Variants in PLA2G4C observed in about 807,000 individuals in gnomAD.
The protein encoded by PLA2G4C is cytosolic phospholipase A2 gamma.
A neutral mutation model predicts 73.8 loss-of-function variants in PLA2G4C; 64 were observed. The ratio of observed to expected loss-of-function variants is 0.87; its 90% CI spans 0.71 to 1.07. PLA2G4C has a LOEUF of 1.07. Ranked by LOEUF, PLA2G4C falls within the 50% of genes least tolerant of loss-of-function variation. PLA2G4C has a pLI of 0.00. For missense variants in PLA2G4C, 622 were observed against 665.4 expected, an observed-to-expected ratio of 0.93 and a Z score of 0.72; for synonymous variants, 254 against 252.1, an observed-to-expected ratio of 1.01 and a Z score of -0.07.
Position 48,099,996 on chromosome 19 carries a change from T to C in PLA2G4C, c.258-136A>G, listed in dbSNP as rs1438870334. ...GGCGACACACAGAGGAAACGGAAAA[T>C]TTCCATTAAATAAATACAACTGCAG... On this transcript the variant is annotated intron_variant, in intron 4 of 16. Coordinates refer to ENST00000599921, the MANE Select transcript of PLA2G4C (RefSeq NM_003706.3). 4 of 567,140 alleles carry C rather than the reference T, an allele frequency of 7.1e-6. 1 individual carries two copies. In the South Asian group the frequency reaches 1.0e-4, roughly 15 times the overall value. The allele number at this position is 567,140 out of a possible 1,614,324, so 35.1% of individuals were successfully genotyped here. A position where few individuals can be genotyped will look rare whatever the true frequency, so the allele number is the denominator to read the frequency against.
At chr19:48,051,310 G>A (rs1392313034) in intron 16 of PLA2G4C, among the ~76,000 whole-genome samples, 2 of 152,182 alleles carry the variant, frequency 1.3e-5, no homozygotes, top group African/African-American at 4.8e-5. Flanking sequence ...TTCTAGAACT[G>A]TATGAGTCCA....
At chr19:48,051,106 G>A (rs887488735) in intron 16 of PLA2G4C, among the ~76,000 whole-genome samples, 4 of 152,152 alleles carry the variant, frequency 2.6e-5, no homozygotes, top group African/African-American at 4.8e-5. Context: ...TAAGAGCAAG[G>A]CGGGAGGTCA....
At chr19:48,087,322 C>T (rs747306577) in intron 9 of PLA2G4C, among the ~76,000 whole-genome samples, 3 of 152,164 alleles carry the variant, frequency 2.0e-5, no homozygotes, top group Non-Finnish European at 4.4e-5. Flanking sequence ...ATGTCTTTCC[C>T]CTCTCTTCCA....
At chr19:48,087,902 T>C (rs1651364) in intron 9 of PLA2G4C, among the ~76,000 whole-genome samples, 13,871 of 150,166 alleles carry the variant, frequency 0.092, 1,366 homozygotes, top group African/African-American at 0.25. Flanking sequence ...TGCCATTGTA[T>C]TCCAGCCTGG....
intron 5 of PLA2G4C, 44 bp from the exon 6 acceptor site, chr19:48,098,303 T>C: frequency 1.3e-6 from 2 of 1,572,298 alleles, no homozygotes; most frequent in Non-Finnish European, 1.7e-6. Context: ...GGCATGTGGG[T>C]CCCACAGGGT....
At chr19:48,104,475 C>T (rs1404599984) in intron 4 of PLA2G4C, 113 bp downstream of exon 4, 2 of 1,014,152 alleles carry the variant, frequency 2.0e-6, no homozygotes, top group Non-Finnish European at 3.0e-6. Context: ...CCAGCTAGTA[C>T]CAGAGAGCTC....
At chr19:48,095,660 G>A (rs2031531373) in intron 6 of PLA2G4C, 56 bp from the exon 7 acceptor site, 1 of 1,546,096 alleles carries the variant, frequency 6.5e-7, no homozygotes, top group Non-Finnish European at 8.9e-7. Context: ...GAATGTAGCA[G>A]GTATGCAGGA....
At position 48,048,328 on chromosome 19, in the gene PLA2G4C, G is replaced by A. The variant is rs1435091303; in HGVS notation, c.*15C>T. ...AGACCAACAGGCCCACAGTGCCCTGGAAGCTGAGGCTCATCTATGCCAAGC... is the reference window on the plus strand; with the variant it reads ...AGACCAACAGGCCCACAGTGCCCTGAAAGCTGAGGCTCATCTATGCCAAGC... On this transcript the variant is annotated 3_prime_UTR_variant, in exon 17 of 17. Transcript: ENST00000599921. The A allele has an allele frequency of 3.8e-6, 6 of 1,594,932 alleles. No individual in the cohort carries two copies. Among genetic ancestry groups the A allele is most frequent in the Non-Finnish European group, 4.3e-6 (5 of 1,172,500 alleles).
chr19:48,079,737 C>G (rs1194765488), intron 10 of PLA2G4C, among the ~76,000 whole-genome samples: 1 of 152,096 alleles, frequency 6.6e-6, no homozygotes, highest in African/African-American at 2.4e-5. Context: ...TCTGGGAGGC[C>G]CAGCTGGGCG....
intron 14 of PLA2G4C, among the ~76,000 whole-genome samples, chr19:48,056,339 G>A (rs1294588613): frequency 2.0e-5 from 3 of 152,090 alleles, no homozygotes; most frequent in African/African-American, 7.2e-5. Flanking sequence ...CCTGAGGTCA[G>A]GAGTTTGAGA....
In PLA2G4C at chr19:48,073,202, T is replaced by G. The variant is rs143337368; in HGVS notation, c.1006+1565A>C. On this transcript the variant is annotated intron_variant, in intron 12 of 16. Coordinates refer to ENST00000599921, the MANE Select transcript of PLA2G4C (RefSeq NM_003706.3). ...CTGGGACCATGGGAACGCACTACCA[T>G]GTCCAGCTAATTTTTTACAAAAAAT... is the stretch of plus-strand genomic sequence containing the variant. Among the ~76,000 whole-genome samples the G allele has an allele frequency of 6.3e-4, 95 of 151,994 alleles. 1 individual carries two copies. In the East Asian group the frequency reaches 0.014, roughly 23 times the overall value.
intron 14 of PLA2G4C, among the ~76,000 whole-genome samples, chr19:48,055,440 C>G (rs1967905849): frequency 6.9e-6 from 1 of 144,292 alleles, no homozygotes; most frequent in Non-Finnish European, 1.5e-5. Flanking sequence ...GGGCGTGCAC[C>G]TGTAGCCCTA....
At chr19:48,100,065 C>T in intron 4 of PLA2G4C, 1 of 477,472 alleles carries the variant, frequency 2.1e-6, no homozygotes. Context: ...CTGGGACAAT[C>T]CTTCCATTTC....
chr19:48,055,268 G>C (rs1488658725), intron 14 of PLA2G4C, among the ~76,000 whole-genome samples: 1 of 151,646 alleles, frequency 6.6e-6, no homozygotes, highest in Non-Finnish European at 1.5e-5. Context: ...CATTCGCGAG[G>C]TTAGAGAGTA....
At position 48,056,514 on chromosome 19, in the gene PLA2G4C, C is replaced by T. The variant is rs183392455; in HGVS notation, c.1258-1465G>A. ...AGTGAGCCCAGATAGCGCCATTGCA[C>T]TCCAACCTGGGTGACAAGAGCAAGA... On this transcript the variant is annotated intron_variant, in intron 14 of 16. Coordinates refer to ENST00000599921, the MANE Select transcript of PLA2G4C (RefSeq NM_003706.3). 8.2e-3 allele frequency among the ~76,000 whole-genome samples: 1,242 copies of T among 151,746 alleles called. 8 individuals carry two copies. The highest frequency in any genetic ancestry group is 0.012 in the Non-Finnish European group (831 of 67,948).
chr19:48,079,449 T>C (rs1217642192), intron 10 of PLA2G4C, among the ~76,000 whole-genome samples: 1 of 152,192 alleles, frequency 6.6e-6, no homozygotes, highest in Non-Finnish European at 1.5e-5. Flanking sequence ...CAAATGGTGC[T>C]GGGATAACTG....
chr19:48,075,225 C>T (rs1027567006), intron 11 of PLA2G4C, among the ~76,000 whole-genome samples: 1 of 150,444 alleles, frequency 6.6e-6, no homozygotes, highest in African/African-American at 2.5e-5. Flanking sequence ...GCTCTGTTGC[C>T]CAGGCTGGAG....
intron 14 of PLA2G4C, among the ~76,000 whole-genome samples, chr19:48,056,816 G>A (rs1039659359): frequency 6.0e-4 from 61 of 101,332 alleles, no homozygotes; most frequent in African/African-American, 2.0e-3. Flanking sequence ...TGGGCAACAA[G>A]AACGAGACTC....
At chr19:48,058,207 G>A (rs926652353) in intron 14 of PLA2G4C, among the ~76,000 whole-genome samples, 2 of 152,042 alleles carry the variant, frequency 1.3e-5, no homozygotes, top group South Asian at 4.1e-4. Flanking sequence ...GCTGAGGCAG[G>A]AGAATCGCTT....
Sources: allele counts gnomAD v4.1 joint callset (sites outside exome capture counted in the v4.1 genomes callset), GRCh38; gene constraint gnomAD v4.1.1; transcripts MANE v1.5; gene names NCBI Gene and HGNC (gene_info 2026-07-23, HGNC 2026-07-21).